Variants in AGMO observed in about 807,000 individuals in gnomAD.
AGMO encodes glyceryl-ether monooxygenase.
AGMO carries 75 observed loss-of-function variants against 60.2 expected under a neutral mutation model. The observed-to-expected ratio is 1.25, with a 90% CI of 1.03 to 1.51. The LOEUF (loss-of-function observed/expected upper bound fraction) is 1.51. Among genes scored for constraint, AGMO ranks in the 40% most tolerant of loss-of-function variants. The pLI, the probability that AGMO is intolerant of heterozygous loss-of-function variation, is 0.00. For missense variants in AGMO, 763 were observed against 525.5 expected, an observed-to-expected ratio of 1.45 and a Z score of -4.42; for synonymous variants, 261 against 177.1, an observed-to-expected ratio of 1.47 and a Z score of -3.76.
Position 15,253,932 on chromosome 7 carries a change from G to A in AGMO, c.1264-52573C>T, listed in dbSNP as rs190586969. Among the ~76,000 whole-genome samples the A allele has an allele frequency of 1.9e-3, 288 of 152,048 alleles. 1 individual carries two copies. Among genetic ancestry groups the A allele is most frequent in the Non-Finnish European group, 2.4e-3 (166 of 67,954 alleles). Reference sequence around the variant, plus strand: ...GATCAATATTTTCAACTCCATGTAAGAGTAAGATTGTGTAGTATTTTTTTT... The same window carrying A: ...GATCAATATTTTCAACTCCATGTAAAAGTAAGATTGTGTAGTATTTTTTTT... On this transcript the variant is annotated intron_variant, in intron 12 of 12. Coordinates refer to ENST00000342526, the MANE Select transcript of AGMO (RefSeq NM_001004320.2).
At chr7:15,222,744 G>C (rs1195736478) in intron 12 of AGMO, among the ~76,000 whole-genome samples, 3 of 151,766 alleles carry the variant, frequency 2.0e-5, no homozygotes, top group Non-Finnish European at 4.4e-5. Flanking sequence ...TTCCATATGT[G>C]GTTTCCCCTA....
At chr7:15,538,230 G>GTAT (rs139373405) in intron 3 of AGMO, among the ~76,000 whole-genome samples, 30 of 151,410 alleles carry the variant, frequency 2.0e-4, no homozygotes, top group South Asian at 4.2e-4. Context: ...CAATCACAAT[G>GTAT]TATTATTATT....
At chr7:15,150,048 C>G in the AGMO span, among the ~76,000 whole-genome samples, 2 of 151,834 alleles carry the variant, frequency 1.3e-5, no homozygotes, top group Non-Finnish European at 2.9e-5. Flanking sequence ...GTATTTTATT[C>G]TTTTTGTGGT....
At chr7:15,131,303 T>C in the AGMO span, among the ~76,000 whole-genome samples, 1 of 152,138 alleles carries the variant, frequency 6.6e-6, no homozygotes, top group Admixed American at 6.6e-5. Flanking sequence ...TAACTTAAAA[T>C]ATAACAGGAT....
At chr7:15,549,543 A>G (rs1255937049) in intron 2 of AGMO, among the ~76,000 whole-genome samples, 2 of 151,616 alleles carry the variant, frequency 1.3e-5, no homozygotes, top group African/African-American at 2.4e-5. Context: ...CAGACTTTAA[A>G]CCAACAAAGA....
intron 3 of AGMO, among the ~76,000 whole-genome samples, chr7:15,503,385 G>A (rs538936233): frequency 6.6e-6 from 1 of 152,030 alleles, no homozygotes; most frequent in East Asian, 1.9e-4. Context: ...TATAGCTGCT[G>A]GGTCACAGAG....
At chr7:15,277,278 A>G (rs1783825305) in intron 12 of AGMO, among the ~76,000 whole-genome samples, 1 of 151,856 alleles carries the variant, frequency 6.6e-6, no homozygotes, top group Non-Finnish European at 1.5e-5. Flanking sequence ...GCACTCCAAC[A>G]TGGGTTACAG....
chr7:15,546,709 GGAATCTAT>G (rs1221504561), intron 2 of AGMO, among the ~76,000 whole-genome samples: 8 of 152,322 alleles, frequency 5.3e-5, no homozygotes, highest in African/African-American at 1.4e-4. Context: ...GAAACTCCAA[GGAATCTAT>G]GAAATGAACA....
At chr7:15,409,701 T>G (rs1207701204) in intron 5 of AGMO, among the ~76,000 whole-genome samples, 1 of 151,828 alleles carries the variant, frequency 6.6e-6, no homozygotes. Flanking sequence ...AATTTTTGCT[T>G]GCACGTACTG....
chr7:15,291,885 A>G (rs917751331), intron 12 of AGMO, among the ~76,000 whole-genome samples: 5 of 152,202 alleles, frequency 3.3e-5, no homozygotes, highest in African/African-American at 9.6e-5. Context: ...AGGGAATAGC[A>G]TTCCCGGATA....
chr7:15,558,879 G>A (rs1206900034), intron 2 of AGMO, among the ~76,000 whole-genome samples: 1 of 151,864 alleles, frequency 6.6e-6, no homozygotes. Context: ...GCGGTTAATA[G>A]AAACATTCCA....
At chr7:15,341,055 G>C (rs1305581241) in intron 12 of AGMO, among the ~76,000 whole-genome samples, 1 of 152,088 alleles carries the variant, frequency 6.6e-6, no homozygotes, top group Non-Finnish European at 1.5e-5. Context: ...AGAGTAACCT[G>C]GATATGAGAC....
Position 15,362,862 on chromosome 7 carries a change from G to C in AGMO, c.1263+2652C>G, listed in dbSNP as rs117979114. Among the ~76,000 whole-genome samples, 23 of 152,330 alleles carry C rather than the reference G, an allele frequency of 1.5e-4. No homozygotes were observed. The East Asian group carries it at 4.4e-3, about 29-fold the overall frequency. ...TTTGCTATATTTTGCCACAAGGCTT[G>C]AGGTAGATGAGTATTATCATCATTA... On this transcript the variant is annotated intron_variant, in intron 12 of 12. Coordinates refer to ENST00000342526, the MANE Select transcript of AGMO (RefSeq NM_001004320.2).
At chr7:15,309,533 G>T (rs1780708238) in intron 12 of AGMO, among the ~76,000 whole-genome samples, 1 of 152,068 alleles carries the variant, frequency 6.6e-6, no homozygotes, top group Non-Finnish European at 1.5e-5. Flanking sequence ...TCTAGCCAAT[G>T]TAAGTCAGGT....
At chr7:15,517,819 A>C (rs1423486711) in intron 3 of AGMO, among the ~76,000 whole-genome samples, 1 of 152,040 alleles carries the variant, frequency 6.6e-6, no homozygotes, top group African/African-American at 2.4e-5. Context: ...CCAGTGAGAC[A>C]GAACTGCTCA....
chr7:15,263,556 C>A (rs1176943142), intron 12 of AGMO, among the ~76,000 whole-genome samples: 1 of 152,046 alleles, frequency 6.6e-6, no homozygotes, highest in Non-Finnish European at 1.5e-5. Flanking sequence ...GATCACCAAT[C>A]CCACTACTAG....
At chr7:15,356,248 G>A (rs544937437) in intron 12 of AGMO, among the ~76,000 whole-genome samples, 2 of 152,244 alleles carry the variant, frequency 1.3e-5, no homozygotes, top group South Asian at 2.1e-4. Flanking sequence ...CACTAGATGT[G>A]TAGATGAATT....
chr7:15,309,680 C>T (rs1257223968), intron 12 of AGMO, among the ~76,000 whole-genome samples: 2 of 151,016 alleles, frequency 1.3e-5, no homozygotes, highest in Admixed American at 1.3e-4. Context: ...TGTATATATC[C>T]TCTCTAAAAT....
At chr7:15,185,913 A>T in the AGMO span, among the ~76,000 whole-genome samples, 332 of 152,310 alleles carry the variant, frequency 2.2e-3, 1 homozygote, top group Admixed American at 6.4e-3. Context: ...TTCTAAGTAT[A>T]GCTCTGCCTC....
Sources: allele counts gnomAD v4.1 joint callset (sites outside exome capture counted in the v4.1 genomes callset), GRCh38; gene constraint gnomAD v4.1.1; transcripts MANE v1.5; gene names NCBI Gene and HGNC (gene_info 2026-07-23, HGNC 2026-07-21).